KIFC3: variants seen among roughly 807,000 people sequenced by gnomAD.
KIFC3 encodes the protein kinesin-like protein KIFC3.
A neutral mutation model predicts 101.8 loss-of-function variants in KIFC3; 60 were observed. That is an observed-to-expected ratio of 0.59 (90% confidence interval 0.48 to 0.73). The LOEUF is 0.73. Ranked by LOEUF, KIFC3 falls within the 30% of genes least tolerant of loss-of-function variation. KIFC3 has a pLI of 0.00. For synonymous variants in KIFC3, 476 were observed against 482.7 expected (o/e 0.99, Z 0.18); for missense variants, 966 against 1,137.1 (o/e 0.85, Z 2.16).
chr16:57,774,822 C>T (rs947272126), intron 3 of KIFC3: 11 of 1,258,756 alleles, frequency 8.7e-6, no homozygotes, highest in South Asian at 7.5e-5. Flanking sequence ...CCCCTGCGCC[C>T]GGCCAGTAAT....
chr16:57,856,351 C>T (rs181718988), intron 1 of KIFC3, among the ~76,000 whole-genome samples: 21 of 151,740 alleles, frequency 1.4e-4, no homozygotes, highest in Admixed American at 4.0e-4. Flanking sequence ...CATGGCAGCA[C>T]ACCCCTGAGG....
intron 3 of KIFC3, among the ~76,000 whole-genome samples, chr16:57,784,429 C>T (rs1364596056): frequency 1.3e-5 from 2 of 152,162 alleles, no homozygotes; most frequent in African/African-American, 4.8e-5. Context: ...AGAGGACACA[C>T]CTGTAAGCTG....
At position 57,847,018 on chromosome 16, in the gene KIFC3, C is replaced by T. The variant is rs529556245; in HGVS notation, c.108+15711G>A. Among the ~76,000 whole-genome samples, 346 of 151,728 alleles carry T rather than the reference C, an allele frequency of 2.3e-3. 3 individuals carry two copies. Among genetic ancestry groups the T allele is most frequent in the African/African-American group, 6.4e-3 (263 of 41,372 alleles). ...TAGCCAACAAGGTGAAACCCCATCT[C>T]TACTAAAAATGCAAAAATTAGCCAC... On this transcript the variant is annotated intron_variant, in intron 1 of 2. Transcript: ENST00000563028.
chr16:57,835,488 C>T (rs782195057), intron 1 of KIFC3, among the ~76,000 whole-genome samples: 17 of 152,178 alleles, frequency 1.1e-4, no homozygotes, highest in Non-Finnish European at 2.1e-4. Flanking sequence ...TGAACATCTA[C>T]TGGGTACTTA....
chr16:57,846,128 A>C (rs66604273), intron 1 of KIFC3, among the ~76,000 whole-genome samples: 8,679 of 151,634 alleles, frequency 0.057, 301 homozygotes, highest in Non-Finnish European at 0.065. Context: ...GCCTGTGCCC[A>C]CTCCCTCCCC....
intron 3 of KIFC3, among the ~76,000 whole-genome samples, chr16:57,782,598 G>C (rs1354662547): frequency 1.3e-5 from 2 of 152,334 alleles, no homozygotes; most frequent in South Asian, 2.1e-4. Flanking sequence ...CAGAGACCTG[G>C]AGCTTCAGAT....
intron 9 of KIFC3, among the ~76,000 whole-genome samples, chr16:57,768,702 A>G (rs574796442): frequency 6.6e-6 from 1 of 152,322 alleles, no homozygotes; most frequent in South Asian, 2.1e-4. Flanking sequence ...CTTTTAAAGG[A>G]GAAGAACTAT....
At position 57,760,399 on chromosome 16, in the gene KIFC3, C is replaced by G. The variant is rs782290108; in HGVS notation, c.2250G>C (p.Lys750Asn). The G allele has an allele frequency of 3.7e-6, 6 of 1,613,822 alleles. No homozygotes were observed. Among genetic ancestry groups the G allele is most frequent in the Non-Finnish European group, 5.1e-6 (6 of 1,179,958 alleles). The part of the protein sequence containing the change: ...LMVVQVSPVE[K>N]NTSETLYSLK... The stretch of plus-strand genomic sequence containing the variant: ...GGGAATAGAGCGTCTCGCTAGTGTT[C>G]TTCTCCACGGGGGACACCTAGGGGA... The change falls in exon 17 of 20, where the codon AAG becomes AAC. Residue 750 changes from lysine (K) to asparagine (N), a missense_variant. This residue lies in a region of KIFC3 where 689 missense variants were observed against 884.6 expected (regional missense o/e 0.78). Transcript: ENST00000445690.
Position 57,771,527 on chromosome 16 carries a change from C to T in KIFC3, c.525+16G>A, listed in dbSNP as rs782583138. ...CCCTCCAGGACCAGCATGGGGACCACGGCCATTCTGCTCACCTGGCTGTGC... is the reference window on the plus strand; with the variant it reads ...CCCTCCAGGACCAGCATGGGGACCATGGCCATTCTGCTCACCTGGCTGTGC... On this transcript the variant is annotated intron_variant, in intron 5 of 19. Coordinates refer to ENST00000445690, the MANE Select transcript of KIFC3 (RefSeq NM_001130100.2). The T allele has an allele frequency of 2.2e-5, 35 of 1,611,528 alleles. No individual in the cohort carries two copies. The highest frequency in any genetic ancestry group is 6.6e-5 in the South Asian group (6 of 90,914).
intron 1 of KIFC3, chr16:57,815,297 TG>T: frequency 4.7e-6 from 2 of 424,508 alleles, no homozygotes; most frequent in South Asian, 7.5e-5. Context: ...GGAGGCTGAC[TG>T]GAGGCAGAAT....
At chr16:57,784,267 T>C (rs1183510257) in intron 3 of KIFC3, among the ~76,000 whole-genome samples, 3 of 152,092 alleles carry the variant, frequency 2.0e-5, no homozygotes, top group African/African-American at 7.2e-5. Context: ...AGGGCTAGCC[T>C]AGAGGAGTCC....
intron 13 of KIFC3, 60 bp from the exon 14 acceptor site, chr16:57,761,596 C>T (rs1597872796): frequency 2.5e-6 from 4 of 1,576,018 alleles, no homozygotes. Context: ...GTTTGCACTG[C>T]ACCCAGCCCC....
chr16:57,803,018 C>T (rs1555626124), upstream of KIFC3: 3 of 1,535,948 alleles, frequency 2.0e-6, no homozygotes, highest in South Asian at 2.4e-5. Context: ...CACATGCACT[C>T]ACACTGTTTA....
chr16:57,813,148 C>T (rs962947230), intron 1 of KIFC3, among the ~76,000 whole-genome samples: 10 of 151,902 alleles, frequency 6.6e-5, no homozygotes, highest in Non-Finnish European at 1.5e-4. Flanking sequence ...CTCAACATGG[C>T]GAAACTCCAT....
At chr16:57,859,238 C>T (rs908401499) in intron 1 of KIFC3, among the ~76,000 whole-genome samples, 2 of 152,188 alleles carry the variant, frequency 1.3e-5, no homozygotes, top group Non-Finnish European at 2.9e-5. Flanking sequence ...CTGTGATGGG[C>T]AGCAAAGATA....
intron 1 of KIFC3, among the ~76,000 whole-genome samples, chr16:57,821,710 A>G (rs571299288): frequency 6.6e-6 from 1 of 152,304 alleles, no homozygotes; most frequent in South Asian, 2.1e-4. Context: ...GCTGAGCACC[A>G]TGACAACACT....
chr16:57,859,384 A>G (rs1405413699), intron 1 of KIFC3, among the ~76,000 whole-genome samples: 9 of 152,214 alleles, frequency 5.9e-5, no homozygotes, highest in Admixed American at 6.5e-5. Flanking sequence ...TTCTAGACTT[A>G]AGATAAGGCT....
chr16:57,848,489 GT>G (rs2055984556), intron 1 of KIFC3, among the ~76,000 whole-genome samples: 1 of 152,150 alleles, frequency 6.6e-6, no homozygotes, highest in African/African-American at 2.4e-5. Flanking sequence ...TTAGCTGGGC[GT>G]TGTGGTGCAT....
upstream of KIFC3, chr16:57,803,021 ACT>A (rs2149244297): frequency 1.3e-6 from 2 of 1,535,882 alleles, no homozygotes; most frequent in Non-Finnish European, 8.7e-7. Flanking sequence ...ATGCACTCAC[ACT>A]GTTTACAGCG....
Sources: gnomAD v4.1 joint callset for allele counts (sites outside exome capture counted in the v4.1 genomes callset) on GRCh38, gnomAD v4.1.1 for gene constraint, gnomAD v4.1.1 regional missense constraint, MANE v1.5 for transcripts, NCBI Gene and HGNC (gene_info 2026-07-23, HGNC 2026-07-21) for gene names.